ASTN2: variants seen among roughly 807,000 people sequenced by gnomAD.
ASTN2 encodes the protein astrotactin-2.
ASTN2 carries 54 observed loss-of-function variants against 139.8 expected under a neutral mutation model. That is an observed-to-expected ratio of 0.39 (90% CI 0.31 to 0.48). The LOEUF (loss-of-function observed/expected upper bound fraction) is 0.48, where lower values mean the gene tolerates loss of function less well. Ranked by LOEUF, ASTN2 falls within the 20% of genes least tolerant of loss-of-function variation. The pLI is 0.95. For missense variants in ASTN2, 1,565 were observed against 1,725.1 expected (o/e 0.91, Z 1.64); for synonymous variants, 756 against 719.5 (o/e 1.05, Z -0.81).
At chr9:116,839,881 A>ATTATTATTTTT (rs55634992) in intron 11 of ASTN2, among the ~76,000 whole-genome samples, 15 of 127,978 alleles carry the variant, frequency 1.2e-4, no homozygotes, top group African/African-American at 4.2e-4. Flanking sequence ...TATTATTATT[A>ATTATTATTTTT]TTTTTTTTTT....
chr9:116,998,181 G>C (rs1330542014), intron 7 of ASTN2, among the ~76,000 whole-genome samples: 1 of 152,146 alleles, frequency 6.6e-6, no homozygotes, highest in Non-Finnish European at 1.5e-5. Context: ...TCAGGTTCTA[G>C]TAAAATTCAT....
chr9:117,092,087 T>C (rs12344924), intron 5 of ASTN2, among the ~76,000 whole-genome samples: 21,814 of 152,052 alleles, frequency 0.14, 1,636 homozygotes, highest in Middle Eastern at 0.19. Context: ...ATTTTAAAGA[T>C]GGGAATTTGA....
At chr9:116,900,249 G>A (rs762328320) in intron 10 of ASTN2, among the ~76,000 whole-genome samples, 2 of 152,186 alleles carry the variant, frequency 1.3e-5, no homozygotes, top group Non-Finnish European at 2.9e-5. Context: ...ACCATTTGTA[G>A]ACACCATGCT....
chr9:117,113,123 C>G (rs1247839712), intron 4 of ASTN2, among the ~76,000 whole-genome samples: 1 of 152,164 alleles, frequency 6.6e-6, no homozygotes, highest in Admixed American at 6.5e-5. Context: ...GTGAAACTCT[C>G]ATTTACTGCA....
intron 10 of ASTN2, among the ~76,000 whole-genome samples, chr9:116,958,507 T>C (rs1211901960): frequency 6.6e-6 from 1 of 152,088 alleles, no homozygotes; most frequent in Non-Finnish European, 1.5e-5. Context: ...AAGAATGGCA[T>C]GAACCCGGGA....
Position 116,487,421 on chromosome 9 carries a change from C to T in ASTN2, c.3435G>A (p.Glu1145=), listed in dbSNP as rs1849376074. The T allele has an allele frequency of 6.2e-7, 1 of 1,614,068 alleles. No homozygotes were observed. The highest frequency in any genetic ancestry group is 8.5e-7 in the Non-Finnish European group (1 of 1,179,980). ...CTGAGTAGATACTGACTTCAGGGAC[C>T]TCTCCATGGCTTCGACCAGCTGCTA... ...SCVAAGRSHG[E]VPEVSIYSVI... The change falls in exon 20 of 23, where the codon GAG becomes GAA. Residue 1145 remains glutamate (E), a synonymous_variant. Transcript: ENST00000313400.
intron 1 of ASTN2, among the ~76,000 whole-genome samples, chr9:117,343,558 T>C (rs894910726): frequency 1.1e-4 from 16 of 152,194 alleles, no homozygotes; most frequent in Non-Finnish European, 2.2e-4. Context: ...AATAATGTCA[T>C]AGAATTCTCA....
chr9:116,691,678 A>G (rs1480731839), intron 16 of ASTN2, among the ~76,000 whole-genome samples: 1 of 152,144 alleles, frequency 6.6e-6, no homozygotes, highest in East Asian at 1.9e-4. Context: ...CAGGTGCCTT[A>G]AATGCCCTGA....
chr9:116,906,936 T>C (rs1834177014), intron 10 of ASTN2, among the ~76,000 whole-genome samples: 2 of 152,214 alleles, frequency 1.3e-5, no homozygotes. Context: ...TTTTTCTAGC[T>C]CATTTCCCTG....
chr9:116,791,951 A>G (rs1830572207), intron 13 of ASTN2, among the ~76,000 whole-genome samples: 1 of 152,204 alleles, frequency 6.6e-6, no homozygotes, highest in South Asian at 2.1e-4. Context: ...CTTGCAGTCT[A>G]GAGACACATT....
intron 5 of ASTN2, among the ~76,000 whole-genome samples, chr9:117,076,545 G>A (rs930344112): frequency 1.3e-5 from 2 of 152,136 alleles, no homozygotes. Context: ...ACAAAAAAGT[G>A]ATGTTTTCAG....
chr9:116,963,460 G>A (rs1340597748), intron 10 of ASTN2, among the ~76,000 whole-genome samples: 1 of 152,168 alleles, frequency 6.6e-6, no homozygotes, highest in Non-Finnish European at 1.5e-5. Context: ...TTTATTTTGA[G>A]GCAGTTGAAG....
rs3038371 is a variant in ASTN2 at position 117,003,953 on chromosome 9, C to CGT, written c.1591+4137_1591+4138dup. 2.9e-3 allele frequency among the ~76,000 whole-genome samples: 420 copies of CGT among 146,280 alleles called. 5 individuals carry two copies. Among genetic ancestry groups the CGT allele is most frequent in the African/African-American group, 0.011 (412 of 38,286 alleles). Reference sequence around the variant, plus strand: ...TGTGTTTCTTTCACGCGCGCGCGCGCGTGTGTGTGTGTGTGTGTGTGTGTT... The same window carrying CGT: ...TGTGTTTCTTTCACGCGCGCGCGCGCGTGTGTGTGTGTGTGTGTGTGTGTGTT... On this transcript the variant is annotated intron_variant, in intron 7 of 22. Coordinates refer to ENST00000313400, the MANE Select transcript of ASTN2 (RefSeq NM_001365068.1).
intron 6 of ASTN2, among the ~76,000 whole-genome samples, chr9:117,036,930 A>G (rs1166459633): frequency 6.6e-6 from 1 of 152,162 alleles, no homozygotes; most frequent in Non-Finnish European, 1.5e-5. Flanking sequence ...CTTCACAGGT[A>G]TATTTTAAAA....
At chr9:116,679,717 A>T (rs1859723630) in intron 16 of ASTN2, among the ~76,000 whole-genome samples, 1 of 152,148 alleles carries the variant, frequency 6.6e-6, no homozygotes, top group South Asian at 2.1e-4. Context: ...GGATTAAGAA[A>T]CTCACTCAAA....
intron 19 of ASTN2, among the ~76,000 whole-genome samples, chr9:116,607,532 T>C (rs1021407866): frequency 7.9e-5 from 12 of 152,090 alleles, no homozygotes; most frequent in African/African-American, 2.9e-4. Context: ...AAATTTTACC[T>C]CAATTTTAAA....
chr9:117,020,790 C>T (rs577288345), intron 6 of ASTN2, among the ~76,000 whole-genome samples: 13 of 152,210 alleles, frequency 8.5e-5, no homozygotes, highest in African/African-American at 3.1e-4. Flanking sequence ...GCGTTTGGCC[C>T]TTAGCGTGCA....
At chr9:117,328,666 A>G (rs1044876739) in intron 1 of ASTN2, among the ~76,000 whole-genome samples, 3 of 152,330 alleles carry the variant, frequency 2.0e-5, no homozygotes, top group East Asian at 1.9e-4. Context: ...TCCCAGGGAA[A>G]TGGGCACAGA....
At chr9:117,375,683 CA>C (rs1830103609) in intron 1 of ASTN2, among the ~76,000 whole-genome samples, 1 of 152,148 alleles carries the variant, frequency 6.6e-6, no homozygotes, top group African/African-American at 2.4e-5. Flanking sequence ...TTAAGCCCAC[CA>C]CTTAGTGAGG....
Sources: gnomAD v4.1 joint callset for allele counts (sites outside exome capture counted in the v4.1 genomes callset) on GRCh38, gnomAD v4.1.1 for gene constraint, MANE v1.5 for transcripts, NCBI Gene and HGNC (gene_info 2026-07-23, HGNC 2026-07-21) for gene names.